Variants in TMEM259 observed in about 807,000 individuals in gnomAD.
TMEM259 encodes transmembrane protein 259.
TMEM259 carries 26 observed loss-of-function variants against 46.7 expected under a neutral mutation model. The observed-to-expected ratio is 0.56, with a 90% CI of 0.41 to 0.77. The LOEUF (loss-of-function observed/expected upper bound fraction) is 0.77, where lower values mean the gene tolerates loss of function less well. TMEM259 is among the 30% of genes least tolerant of loss of function. The pLI, the probability that TMEM259 is intolerant of heterozygous loss-of-function variation, is 0.00. For missense variants in TMEM259, 930 were observed against 900.5 expected (o/e 1.03, Z -0.42); for synonymous variants, 494 against 395.1 (o/e 1.25, Z -2.97).
chr19:1,011,750 C>T lies in TMEM259; in HGVS notation c.991G>A (p.Val331Ile), dbSNP rs763700470. ...CCGGCGGGACACTCACCGATGAAGA[C>T]GAAGATCTGGTGGTGTGAGTACCGC... ...LLRYSHHQIF[V>I]FIVDLLQMLE... Residue 331 changes from valine (V) to isoleucine (I), a missense_variant, in exon 7 of 11, where the codon GTC becomes ATC. Transcript: ENST00000356663. The T allele has an allele frequency of 1.9e-5, 29 of 1,551,822 alleles. No homozygotes were observed. Among genetic ancestry groups the T allele is most frequent in the South Asian group, 9.4e-5 (8 of 85,056 alleles).
At chr19:1,017,339 C>T in intron 1 of TMEM259, 1 of 399,580 alleles carries the variant, frequency 2.5e-6, no homozygotes, top group Non-Finnish European at 4.4e-6. Flanking sequence ...CAGCCACTCG[C>T]ATGCCCTGGG....
chr19:1,014,551 T>G, intron 1 of TMEM259, 78 bp from the exon 2 acceptor site: 1 of 844,914 alleles, frequency 1.2e-6, no homozygotes, highest in East Asian at 2.7e-5. Flanking sequence ...TGATGGGGCG[T>G]GATGGGGCGC....
In TMEM259 at chr19:1,011,586, G is replaced by C; in HGVS notation, c.1078C>G (p.Leu360Val). The C allele has an allele frequency of 6.5e-7, 1 of 1,543,936 alleles. No individual in the cohort carries two copies. The highest frequency in any genetic ancestry group is 1.2e-5 in the South Asian group (1 of 83,866). Residue 360 changes from leucine to valine, a missense_variant, in exon 8 of 11, where the codon CTC becomes GTC. Leu to Val is a conservative substitution (Grantham distance 32, BLOSUM62 1). Coordinates refer to ENST00000356663, the MANE Select transcript of TMEM259 (RefSeq NM_001033026.2). ...AAPLLTVILA[L>V]VGMEAIMSEF... ...GGCCGGGTGGGGTCCTCACCGACGA[G>C]GGCCAGGATGACGGTCAGCAGGGGC... is the stretch of plus-strand genomic sequence containing the variant.
rs748644210 is a variant in TMEM259 at position 1,013,317 on chromosome 19, C to T, written c.531G>A (p.Lys177=). 1.2e-6 allele frequency: 2 copies of T among 1,613,604 alleles called. No homozygotes were observed. The highest frequency in any genetic ancestry group is 1.3e-5 in the African/African-American group (1 of 74,936). ...CTGTGCTACTCGGCGGCTTGAACAC[C>T]TTGGGCTCGATGTCCAGCTCAAACT... The part of the protein sequence containing the change: ...SIKFELDIEP[K]VFKPPSSTEA... The change falls in exon 3 of 11, where the codon AAG becomes AAA. Residue 177 remains lysine (K), a synonymous_variant. Coordinates refer to ENST00000356663, the MANE Select transcript of TMEM259 (RefSeq NM_001033026.2).
In TMEM259 at chr19:1,011,561, G is replaced by A. The variant is rs2038924069; in HGVS notation, c.1084+19C>T. ...GCGGGGTGCAGCGCGGGGCGGGGGA[G>A]GCCGGGTGGGGTCCTCACCGACGAG... On this transcript the variant is annotated intron_variant, in intron 8 of 10. Transcript: ENST00000356663. 6.5e-7 allele frequency: 1 copy of A among 1,540,838 alleles called. No homozygotes were observed. The highest frequency in any genetic ancestry group is 1.4e-5 in the African/African-American group (1 of 72,966).
intron 1 of TMEM259, among the ~76,000 whole-genome samples, chr19:1,014,912 C>G (rs1221541927): frequency 6.6e-6 from 1 of 152,194 alleles, no homozygotes; most frequent in Non-Finnish European, 1.5e-5. Context: ...CCAGGGCCCT[C>G]TGCCAGCCAA....
chr19:1,011,032 C>A, intron 10 of TMEM259, 64 bp downstream of exon 10: 1 of 1,551,220 alleles, frequency 6.4e-7, no homozygotes, highest in Non-Finnish European at 8.7e-7. Flanking sequence ...TCCTCCCCGG[C>A]TGCAGCCTCT....
intron 1 of TMEM259, among the ~76,000 whole-genome samples, chr19:1,016,695 G>C (rs921618758): frequency 6.6e-6 from 1 of 152,238 alleles, no homozygotes; most frequent in African/African-American, 2.4e-5. Flanking sequence ...ATGGCCAGGA[G>C]GGAGGGGCCA....
chr19:1,010,681 C>G lies in TMEM259; in HGVS notation c.1532G>C (p.Gly511Ala), dbSNP rs780652243. The G allele has an allele frequency of 6.5e-7, 1 of 1,532,882 alleles. No homozygotes were observed. The highest frequency in any genetic ancestry group is 1.2e-5 in the South Asian group (1 of 83,908). 95.0% of individuals were successfully genotyped at this position (1,532,882 alleles called of 1,614,324 possible). ...CGCCGCTGCCACAGGCCCGGGACTC[C>G]CGCTGGCCCCAGGCGAGACGGGGCC... is the stretch of plus-strand genomic sequence containing the variant. ...ALGPVSPGAS[G>A]SPGPVAAAPS... The change falls in exon 11 of 11, where the codon GGG (glycine) becomes GCG (alanine). Residue 511 changes from glycine (G) to alanine (A), a missense_variant. Gly to Ala is a moderately conservative substitution (Grantham distance 60). Coordinates refer to ENST00000356663, the MANE Select transcript of TMEM259 (RefSeq NM_001033026.2).
At position 1,009,759 on chromosome 19, in the gene TMEM259, G is replaced by A; in HGVS notation, c.*591C>T. 1.5e-6 allele frequency: 1 copy of A among 679,524 alleles called. No individual in the cohort carries two copies. The highest frequency in any genetic ancestry group is 3.1e-5 in the South Asian group (1 of 32,020). 42.1% of individuals were successfully genotyped at this position (679,524 alleles called of 1,614,324 possible). The stretch of plus-strand genomic sequence containing the variant: ...GCATTCCTCCCCGAGTGACTGGTTT[G>A]GCCGCCGGCCCACTCCATCCCCGAG... On this transcript the variant is annotated 3_prime_UTR_variant, in exon 11 of 11. Coordinates refer to ENST00000356663, the MANE Select transcript of TMEM259 (RefSeq NM_001033026.2).
Position 1,013,492 on chromosome 19 carries a change from G to A in TMEM259, c.508-152C>T, listed in dbSNP as rs1599479643. 4.5e-5 allele frequency: 30 copies of A among 669,864 alleles called. 1 individual carries two copies. Among genetic ancestry groups the A allele is most frequent in the Middle Eastern group, 4.2e-4 (1 of 2,368 alleles). 41.5% of individuals were successfully genotyped at this position (669,864 alleles called of 1,614,324 possible). A position where few individuals can be genotyped will look rare whatever the true frequency, so the allele number is the denominator to read the frequency against. On this transcript the variant is annotated intron_variant, in intron 2 of 10. Transcript: ENST00000356663. ...CCAGGGTGGACTACGTGTGCCTCCC[G>A]CCTCAGCTGGGACCCCACCTCAACA...
At chr19:1,014,550 G>A (rs999305797) in intron 1 of TMEM259, 77 bp from the exon 2 acceptor site, 18 of 1,469,004 alleles carry the variant, frequency 1.2e-5, no homozygotes, top group Admixed American at 1.1e-4. Context: ...GTGATGGGGC[G>A]TGATGGGGCG....
chr19:1,010,976 G>T, intron 10 of TMEM259, 81 bp from the exon 11 acceptor site: 1 of 1,548,862 alleles, frequency 6.5e-7, no homozygotes, highest in South Asian at 1.2e-5. Context: ...GCCCACCCGG[G>T]ACCATCCACG....
intron 9 of TMEM259, 28 bp downstream of exon 9, chr19:1,011,339 C>G: frequency 6.4e-7 from 1 of 1,557,926 alleles, no homozygotes; most frequent in Non-Finnish European, 8.7e-7. Flanking sequence ...CCAGCACCCA[C>G]TCCACCCTGC....
rs751141469 is a variant in TMEM259, at chr19:1,013,233, T to TGGCCTACCTTTGGTGGGC, written c.597_607+7dup. 1.2e-6 allele frequency: 2 copies of TGGCCTACCTTTGGTGGGC among 1,611,714 alleles called. No individual in the cohort carries two copies. The highest frequency in any genetic ancestry group is 1.3e-5 in the African/African-American group (1 of 74,930). On this transcript the variant is annotated splice_region_variant and intron_variant, in intron 3 of 10. Transcript: ENST00000356663. ...CGTGAGGCAGTACACCTTTGGTGGG[T>TGGCCTACCTTTGGTGGGC]GGCCTACCTTTGGTGGGCGTCTCGG...
chr19:1,018,487 G>C (rs2039181148), intron 1 of TMEM259, among the ~76,000 whole-genome samples: 1 of 152,232 alleles, frequency 6.6e-6, no homozygotes, highest in African/African-American at 2.4e-5. Context: ...CCACCTTGAA[G>C]GGATCATACC....
In TMEM259 at chr19:1,011,510, A is replaced by C; in HGVS notation, c.1085-11T>G. On this transcript the variant is annotated splice_polypyrimidine_tract_variant and intron_variant, in intron 8 of 10. Coordinates refer to ENST00000356663, the MANE Select transcript of TMEM259 (RefSeq NM_001033026.2). Reference sequence around the variant, plus strand: ...TGATGGCCTCCATCCCTGCAGGGAGAGGCGGCGCCGGTTGAAGCGGGCGGG... The same window carrying C: ...TGATGGCCTCCATCCCTGCAGGGAGCGGCGGCGCCGGTTGAAGCGGGCGGG... 2.3e-6 allele frequency: 3 copies of C among 1,277,608 alleles called. No homozygotes were observed. The highest frequency in any genetic ancestry group is 3.1e-6 in the Non-Finnish European group (3 of 968,694). The allele number at this position is 1,277,608 out of a possible 1,614,324, so 79.1% of individuals were successfully genotyped here.
intron 1 of TMEM259, among the ~76,000 whole-genome samples, chr19:1,018,719 C>T (rs1182116031): frequency 1.3e-5 from 2 of 152,204 alleles, no homozygotes; most frequent in Non-Finnish European, 2.9e-5. Flanking sequence ...GGCATGGTGG[C>T]TCACGCCTGT....
rs375631367 is a variant in TMEM259 at position 1,014,381 on chromosome 19, C to T, written c.318G>A (p.Pro106=). 34 of 1,612,812 alleles carry T rather than the reference C, an allele frequency of 2.1e-5. No homozygotes were observed. The highest frequency in any genetic ancestry group is 1.7e-4 in the Middle Eastern group (1 of 6,040). The change falls in exon 2 of 11, where the codon CCG becomes CCA. Residue 106 remains proline (P), a synonymous_variant. Coordinates refer to ENST00000356663, the MANE Select transcript of TMEM259 (RefSeq NM_001033026.2). The stretch of plus-strand genomic sequence containing the variant: ...CTTCCACACGCAGGATGCCCTCACG[C>T]GGCCACTTGTCACGCACATGCTCCA... ...NCLEHVRDKW[P]REGILRVEVR...
Sources: allele counts gnomAD v4.1 joint callset (sites outside exome capture counted in the v4.1 genomes callset), GRCh38; gene constraint gnomAD v4.1.1; transcripts MANE v1.5; gene names NCBI Gene and HGNC (gene_info 2026-07-23, HGNC 2026-07-21).